PPFIA2: variants seen among roughly 807,000 people sequenced by gnomAD.
The protein encoded by PPFIA2 is PPFI scaffold protein A2, also known as liprin-alpha-2.
In PPFIA2, 46 loss-of-function variants were observed where a neutral mutation model predicts 175.5. That is an observed-to-expected ratio of 0.26 (90% CI 0.21 to 0.34). The LOEUF (loss-of-function observed/expected upper bound fraction) is 0.34. Among genes scored for constraint, PPFIA2 ranks in the 10% least tolerant of loss-of-function variants. PPFIA2 has a pLI of 1.00. For missense variants in PPFIA2, 1,179 were observed against 1,506.1 expected (o/e 0.78, Z 3.60); for synonymous variants, 568 against 511.4 (o/e 1.11, Z -1.49).
intron 27 of PPFIA2, among the ~76,000 whole-genome samples, chr12:81,280,243 T>G (rs1005229319): frequency 2.0e-5 from 3 of 152,184 alleles, no homozygotes; most frequent in African/African-American, 7.2e-5. Flanking sequence ...CCTTATCTTT[T>G]TCACACAACT....
chr12:81,566,530 C>CAAAAAAAAAAA (rs3075452), intron 4 of PPFIA2, among the ~76,000 whole-genome samples: 79 of 68,368 alleles, frequency 1.2e-3, no homozygotes, highest in Non-Finnish European at 1.4e-3. Context: ...GACTCCAACT[C>CAAAAAAAAAAA]AAAAAAAAAA....
At chr12:81,605,845 G>C (rs922380073) in intron 4 of PPFIA2, among the ~76,000 whole-genome samples, 1 of 151,802 alleles carries the variant, frequency 6.6e-6, no homozygotes, top group African/African-American at 2.4e-5. Context: ...TTTACTCTAT[G>C]ATTTATTTTC....
chr12:81,317,457 T>A (rs1179332429), intron 22 of PPFIA2, among the ~76,000 whole-genome samples: 8 of 151,592 alleles, frequency 5.3e-5, no homozygotes. Context: ...GCAGAAAGAC[T>A]ATTGTAGTAT....
rs796160621 is a variant in PPFIA2, at chr12:81,530,752, G to GAA, written c.304-72888_304-72887dup. On this transcript the variant is annotated intron_variant, in intron 4 of 32. Transcript: ENST00000549396. ...AGAAAATTGAGGAGGATAAAAAAGA[G>GAA]AAAAAAAAAAACACATTATATAATA... Among the ~76,000 whole-genome samples the GAA allele has an allele frequency of 9.5e-4, 134 of 140,998 alleles. 1 individual carries two copies. The highest frequency in any genetic ancestry group is 3.8e-3 in the East Asian group (18 of 4,704). 92.5% of individuals were successfully genotyped at this position (140,998 alleles called of 152,430 possible).
intron 4 of PPFIA2, among the ~76,000 whole-genome samples, chr12:81,566,530 C>CAACAA (rs2071328531): frequency 2.9e-5 from 2 of 68,458 alleles, no homozygotes; most frequent in Non-Finnish European, 2.7e-5. Context: ...GACTCCAACT[C>CAACAA]AAAAAAAAAA....
At chr12:81,630,232 AT>A (rs1005709312) in intron 4 of PPFIA2, among the ~76,000 whole-genome samples, 10 of 152,202 alleles carry the variant, frequency 6.6e-5, no homozygotes, top group Admixed American at 5.2e-4. Flanking sequence ...TAATAAAGTT[AT>A]GTAGTTTTAA....
At chr12:81,480,843 CCT>C (rs1322831455) in intron 4 of PPFIA2, among the ~76,000 whole-genome samples, 1 of 152,116 alleles carries the variant, frequency 6.6e-6, no homozygotes, top group African/African-American at 2.4e-5. Context: ...TGAGGTGTGT[CCT>C]CTCTTACCAC....
intron 4 of PPFIA2, among the ~76,000 whole-genome samples, chr12:81,663,527 C>G (rs566249016): frequency 6.6e-6 from 1 of 151,822 alleles, no homozygotes; most frequent in Non-Finnish European, 1.5e-5. Context: ...CACTGCTCAA[C>G]GAAATAAAAG....
intron 9 of PPFIA2, among the ~76,000 whole-genome samples, chr12:81,383,385 C>A (rs1346082982): frequency 6.6e-6 from 1 of 151,922 alleles, no homozygotes; most frequent in Non-Finnish European, 1.5e-5. Context: ...AAACTTTCAC[C>A]TTAGCAGGTA....
chr12:81,630,364 C>G (rs1004912270), intron 4 of PPFIA2, among the ~76,000 whole-genome samples: 8 of 152,062 alleles, frequency 5.3e-5, no homozygotes, highest in Non-Finnish European at 2.9e-5. Flanking sequence ...TCAGACTTGC[C>G]AGGCCCAAAA....
intron 30 of PPFIA2, among the ~76,000 whole-genome samples, chr12:81,263,603 T>C (rs527744746): frequency 6.6e-6 from 1 of 152,332 alleles, no homozygotes; most frequent in South Asian, 2.1e-4. Context: ...AAACTTTTCA[T>C]ACAATTTCAA....
At chr12:81,436,185 G>A (rs2048957117) in intron 7 of PPFIA2, among the ~76,000 whole-genome samples, 2 of 149,182 alleles carry the variant, frequency 1.3e-5, no homozygotes, top group South Asian at 4.3e-4. Context: ...TAAGGCTGAG[G>A]CTTGAGGATC....
chr12:81,387,523 G>A (rs1431833933), intron 8 of PPFIA2, among the ~76,000 whole-genome samples: 2 of 152,138 alleles, frequency 1.3e-5, no homozygotes, highest in Non-Finnish European at 2.9e-5. Context: ...ATGTGAGAGT[G>A]TGGAGAAATA....
chr12:81,376,495 T>G (rs2036394045), intron 9 of PPFIA2, among the ~76,000 whole-genome samples: 1 of 152,134 alleles, frequency 6.6e-6, no homozygotes, highest in African/African-American at 2.4e-5. Flanking sequence ...TACCTAGTTA[T>G]ATATGTTTCA....
rs528632651 is a variant in PPFIA2, at chr12:81,601,829, C to T, written c.303+74962G>A. On this transcript the variant is annotated intron_variant, in intron 4 of 32. Transcript: ENST00000549396. The stretch of plus-strand genomic sequence containing the variant: ...TAAATATTTTAAGAGATTTAAATTA[C>T]AGTACCTCATAGGTATTGACAGATG... Among the ~76,000 whole-genome samples, 2 of 151,920 alleles carry T rather than the reference C, an allele frequency of 1.3e-5. 1 individual carries two copies. The highest frequency in any genetic ancestry group is 3.9e-4 in the East Asian group (2 of 5,174).
chr12:81,341,008 C>T, intron 20 of PPFIA2, 70 bp downstream of exon 20: 1 of 1,437,846 alleles, frequency 7.0e-7, no homozygotes, highest in Non-Finnish European at 9.5e-7. Flanking sequence ...GTCTATTCGA[C>T]AACAACGAAG....
intron 4 of PPFIA2, among the ~76,000 whole-genome samples, chr12:81,481,297 G>A (rs11114879): frequency 0.3 from 45,046 of 152,000 alleles, 7,245 homozygotes; most frequent in African/African-American, 0.42. Flanking sequence ...AACGAATATC[G>A]TGAAAATGGC....
intron 4 of PPFIA2, among the ~76,000 whole-genome samples, chr12:81,564,245 A>C (rs2070822779): frequency 6.6e-6 from 1 of 152,108 alleles, no homozygotes; most frequent in Admixed American, 6.5e-5. Flanking sequence ...AGAGCATTTG[A>C]AATGAGAAAA....
chr12:81,628,978 C>T (rs2063047947), intron 4 of PPFIA2, among the ~76,000 whole-genome samples: 1 of 152,078 alleles, frequency 6.6e-6, no homozygotes, highest in Admixed American at 6.5e-5. Flanking sequence ...GGAAAAGGAC[C>T]ACAGGCAGAG....
Sources: allele counts gnomAD v4.1 joint callset (sites outside exome capture counted in the v4.1 genomes callset), GRCh38; gene constraint gnomAD v4.1.1; transcripts MANE v1.5; gene names NCBI Gene and HGNC (gene_info 2026-07-23, HGNC 2026-07-21).